Variants in ZFYVE16 observed in about 807,000 individuals in gnomAD.
ZFYVE16 encodes the protein zinc finger FYVE-type containing 16, also known as zinc finger FYVE domain-containing protein 16.
In ZFYVE16, 89 loss-of-function variants were observed where a neutral mutation model predicts 138.1. The observed-to-expected ratio is 0.64, with a 90% CI of 0.54 to 0.77. The LOEUF is 0.77. ZFYVE16 is among the 30% of genes least tolerant of loss of function. The pLI is 0.00. For synonymous variants in ZFYVE16, 596 were observed against 618.3 expected, an observed-to-expected ratio of 0.96 and a Z score of 0.53; for missense variants, 1,793 against 1,786.7, an observed-to-expected ratio of 1.00 and a Z score of -0.06.
intron 2 of ZFYVE16, among the ~76,000 whole-genome samples, chr5:80,429,942 G>A (rs1748738536): frequency 6.6e-6 from 1 of 152,138 alleles, no homozygotes; most frequent in South Asian, 2.1e-4. Context: ...CATAAAGCAA[G>A]TTCTTAGAGA....
chr5:80,470,095 G>A (rs433916), intron 15 of ZFYVE16, among the ~76,000 whole-genome samples: 69,128 of 114,308 alleles, frequency 0.6, 21,511 homozygotes, highest in East Asian at 0.81. Flanking sequence ...GTGTGTGTGT[G>A]TGTGTATTTT....
At chr5:80,408,971 T>A (rs1745041996) in intron 1 of ZFYVE16, among the ~76,000 whole-genome samples, 1 of 38,882 alleles carries the variant, frequency 2.6e-5, no homozygotes, top group Admixed American at 4.4e-4. Flanking sequence ...ATATATAATT[T>A]TTCGCCTAAT....
Position 80,438,244 on chromosome 5 carries a change from A to C in ZFYVE16, c.1559A>C (p.Glu520Ala). 1.2e-6 allele frequency: 2 copies of C among 1,614,072 alleles called. No homozygotes were observed. The highest frequency in any genetic ancestry group is 2.2e-5 in the South Asian group (2 of 91,080). ...GACTTAGATTACTTTAATATTGATGAAGGCGCAAAAAGTGGCCCACTAATT... is the reference window on the plus strand; with the variant it reads ...GACTTAGATTACTTTAATATTGATGCAGGCGCAAAAAGTGGCCCACTAATT... ...GQDLDYFNIDEGAKSGPLISD... is the reference protein window; with the variant it reads ...GQDLDYFNIDAGAKSGPLISD... Residue 520 changes from glutamate (E) to alanine (A), a missense_variant, in exon 4 of 19, where the codon GAA becomes GCA. By Grantham distance (107) the Glu-to-Ala change is moderately radical. Around this residue, in one of 2 missense-constraint regions of ZFYVE16, gnomAD observed 1,295 missense variants for 1,204.3 expected, o/e 1.08. Coordinates refer to ENST00000505560, the MANE Select transcript of ZFYVE16 (RefSeq NM_001284236.3).
intron 15 of ZFYVE16, among the ~76,000 whole-genome samples, chr5:80,459,937 A>T (rs1176411774): frequency 2.0e-5 from 3 of 152,172 alleles, no homozygotes; most frequent in Admixed American, 6.5e-5. Context: ...CAATGTATTC[A>T]TCTCCTGATC....
At position 80,438,709 on chromosome 5, in the gene ZFYVE16, A is replaced by C; in HGVS notation, c.2024A>C (p.Glu675Ala). Residue 675 changes from glutamate (E) to alanine (A), a missense_variant, in exon 4 of 19, where the codon GAA becomes GCA. Around this residue, in one of 2 missense-constraint regions of ZFYVE16, gnomAD observed 1,295 missense variants for 1,204.3 expected, o/e 1.08. Coordinates refer to ENST00000505560, the MANE Select transcript of ZFYVE16 (RefSeq NM_001284236.3). Reference protein sequence around the residue: ...LNKPDVPDTIESEPSTADTVV... With the variant: ...LNKPDVPDTIASEPSTADTVV... ...AAGCCAGATGTTCCAGATACAATAG[A>C]AAGTGAACCCAGCACAGCAGATACC... 2.5e-6 allele frequency: 4 copies of C among 1,614,164 alleles called. No individual in the cohort carries two copies. Among genetic ancestry groups the C allele is most frequent in the Non-Finnish European group, 3.4e-6 (4 of 1,179,992 alleles).
In ZFYVE16 at chr5:80,456,577, T is replaced by G. The variant is rs1269941010; in HGVS notation, c.3795+12T>G. On this transcript the variant is annotated intron_variant, in intron 13 of 18. Coordinates refer to ENST00000505560, the MANE Select transcript of ZFYVE16 (RefSeq NM_001284236.3). Reference sequence around the variant, plus strand: ...AAAAGTACAGTGATGTAAGTATAATTGTTTTATTCAAATGACAATTATTGA... The same window carrying G: ...AAAAGTACAGTGATGTAAGTATAATGGTTTTATTCAAATGACAATTATTGA... 1 of 1,591,060 alleles carries G rather than the reference T, an allele frequency of 6.3e-7. No homozygotes were observed. Among genetic ancestry groups the G allele is most frequent in the Non-Finnish European group, 8.6e-7 (1 of 1,164,508 alleles).
chr5:80,433,372 T>G (rs1012371465), intron 2 of ZFYVE16, among the ~76,000 whole-genome samples: 4 of 152,052 alleles, frequency 2.6e-5, no homozygotes, highest in Admixed American at 6.5e-5. Context: ...TCACTCGTAG[T>G]TGGGAATTGA....
At chr5:80,442,909 C>T (rs905204380) in intron 5 of ZFYVE16, 8 of 475,190 alleles carry the variant, frequency 1.7e-5, no homozygotes, top group Non-Finnish European at 2.6e-5. Flanking sequence ...ATTGAAATAA[C>T]TTATTGGTAG....
chr5:80,451,294 G>A (rs919645160), intron 10 of ZFYVE16, among the ~76,000 whole-genome samples, 191 bp from the exon 11 acceptor site: 2 of 152,088 alleles, frequency 1.3e-5, no homozygotes, highest in African/African-American at 4.8e-5. Flanking sequence ...TGTACAGAAG[G>A]TATTTAATAG....
intron 1 of ZFYVE16, among the ~76,000 whole-genome samples, chr5:80,421,424 T>G (rs1046083078): frequency 6.6e-6 from 1 of 152,226 alleles, no homozygotes; most frequent in African/African-American, 2.4e-5. Flanking sequence ...TTTTTATGGT[T>G]TTAGGTCTAA....
At chr5:80,434,425 A>G (rs1413753262) in intron 3 of ZFYVE16, among the ~76,000 whole-genome samples, 1 of 152,202 alleles carries the variant, frequency 6.6e-6, no homozygotes, top group Non-Finnish European at 1.5e-5. Context: ...AGGAACCTAG[A>G]AAGTTTTTTT....
At chr5:80,476,646 A>G (rs1226726794) in intron 18 of ZFYVE16, among the ~76,000 whole-genome samples, 1 of 152,246 alleles carries the variant, frequency 6.6e-6, no homozygotes, top group Non-Finnish European at 1.5e-5. Context: ...GGGTGAGTTC[A>G]TATGCTGAGG....
chr5:80,481,609 TAAAAC>T lies in ZFYVE16; in HGVS notation c.*4247_*4251del, dbSNP rs1041928833. Among the ~76,000 whole-genome samples, 65 of 152,286 alleles carry T rather than the reference TAAAAC, an allele frequency of 4.3e-4. No individual in the cohort carries two copies. Among genetic ancestry groups the T allele is most frequent in the African/African-American group, 1.4e-3 (60 of 41,552 alleles). ...AAACTTAACTGAATTGATGGTCTGC[TAAAAC>T]AAAACAAAACAAAAACATTCTTATG... On this transcript the variant is annotated 3_prime_UTR_variant, in exon 19 of 19. Transcript: ENST00000505560.
intron 1 of ZFYVE16, among the ~76,000 whole-genome samples, chr5:80,412,863 A>G (rs1745650591): frequency 6.6e-6 from 1 of 152,222 alleles, no homozygotes; most frequent in South Asian, 2.1e-4. Context: ...AAACAGTCAA[A>G]TAGTACTTCA....
chr5:80,468,150 A>G (rs989776472), intron 15 of ZFYVE16, among the ~76,000 whole-genome samples: 5 of 152,198 alleles, frequency 3.3e-5, no homozygotes, highest in Middle Eastern at 3.2e-3. Flanking sequence ...CAGGTTTACA[A>G]AAGGTCCATG....
At chr5:80,444,224 A>T (rs1751041304) in intron 6 of ZFYVE16, among the ~76,000 whole-genome samples, 1 of 152,184 alleles carries the variant, frequency 6.6e-6, no homozygotes, top group Non-Finnish European at 1.5e-5. Flanking sequence ...AAGGAGACTC[A>T]GCATTATATG....
intron 7 of ZFYVE16, among the ~76,000 whole-genome samples, chr5:80,447,801 G>T (rs972317469): frequency 6.6e-6 from 1 of 152,188 alleles, no homozygotes; most frequent in African/African-American, 2.4e-5. Flanking sequence ...GCCTGAGCAT[G>T]CAGTAAAACT....
Position 80,437,846 on chromosome 5 carries a change from A to G in ZFYVE16, c.1161A>G (p.Ser387=). Residue 387 remains serine (S), a synonymous_variant, in exon 4 of 19, where the codon TCA becomes TCG. Coordinates refer to ENST00000505560, the MANE Select transcript of ZFYVE16 (RefSeq NM_001284236.3). ...CLPASGSMCG[S]LIESKARGDF... Reference sequence around the variant, plus strand: ...CTGCGTCTGGGTCTATGTGTGGATCATTAATTGAAAGTAAAGCACGGGGTG... The same window carrying G: ...CTGCGTCTGGGTCTATGTGTGGATCGTTAATTGAAAGTAAAGCACGGGGTG... 1 of 1,614,012 alleles carries G rather than the reference A, an allele frequency of 6.2e-7. No individual in the cohort carries two copies. The highest frequency in any genetic ancestry group is 2.2e-5 in the East Asian group (1 of 44,878).
intron 2 of ZFYVE16, among the ~76,000 whole-genome samples, chr5:80,430,786 T>G (rs1486480845): frequency 6.6e-6 from 1 of 152,104 alleles, no homozygotes; most frequent in Non-Finnish European, 1.5e-5. Context: ...AAATACAAAC[T>G]GCCATCAGAG....
Sources: allele counts gnomAD v4.1 joint callset (sites outside exome capture counted in the v4.1 genomes callset), GRCh38; gene constraint gnomAD v4.1.1; regional missense constraint gnomAD v4.1.1; transcripts MANE v1.5; gene names NCBI Gene and HGNC (gene_info 2026-07-23, HGNC 2026-07-21).